The following LEO1 variants were observed in gnomAD, a reference collection of about 807,000 sequenced individuals.
The protein encoded by LEO1 is LEO1 component of Paf1/RNA polymerase II complex, also known as RNA polymerase-associated protein LEO1.
Under a neutral mutation model 80.4 loss-of-function variants are expected in LEO1, and 34 were observed. That is an observed-to-expected ratio of 0.42 (90% confidence interval 0.32 to 0.56). The LOEUF (loss-of-function observed/expected upper bound fraction) is 0.56, where lower values mean the gene tolerates loss of function less well. LEO1 is among the 20% of genes least tolerant of loss of function. The pLI, the probability that LEO1 is intolerant of heterozygous loss-of-function variation, is 0.10. For missense variants in LEO1, 631 were observed against 814.2 expected (o/e 0.77, Z 2.74); for synonymous variants, 262 against 274.9 (o/e 0.95, Z 0.46).
At chr15:51,939,332 C>A (rs1184246701) in intron 11 of LEO1, among the ~76,000 whole-genome samples, 1 of 152,158 alleles carries the variant, frequency 6.6e-6, no homozygotes, top group Non-Finnish European at 1.5e-5. Flanking sequence ...CCACTTTTTT[C>A]TGATGGTTCT....
At chr15:51,960,847 A>G (rs2057024443) in intron 3 of LEO1, 114 bp from the exon 4 acceptor site, 2 of 662,304 alleles carry the variant, frequency 3.0e-6, no homozygotes, top group Non-Finnish European at 5.4e-6. Context: ...AAAACCACCA[A>G]AAACATAATG....
At chr15:51,954,714 T>G in intron 6 of LEO1, 139 bp from the exon 7 acceptor site, 1 of 629,500 alleles carries the variant, frequency 1.6e-6, no homozygotes, top group South Asian at 1.9e-5. Flanking sequence ...TGAACAACAC[T>G]GAAACCCTCT....
chr15:51,953,873 T>A (rs1053336980), intron 7 of LEO1, among the ~76,000 whole-genome samples: 2 of 151,832 alleles, frequency 1.3e-5, no homozygotes, highest in African/African-American at 4.8e-5. Flanking sequence ...GGAGGATCGC[T>A]TGAGCCCAGG....
rs2056975953 is a variant in LEO1 at position 51,954,812 on chromosome 15, G to A, written c.1246-237C>T. On this transcript the variant is annotated intron_variant, in intron 6 of 11. Transcript: ENST00000299601. ...CTGAGCTCCTAGAATCATAATCATA[G>A]AGAAAGCTTAGAGCATTTGAGCAGA... The A allele has an allele frequency of 3.5e-5, 17 of 481,450 alleles. No individual in the cohort carries two copies. The South Asian group carries it at 3.7e-4, about 11-fold the overall frequency. The allele number at this position is 481,450 out of a possible 1,614,324, so 29.8% of individuals were successfully genotyped here.
chr15:51,966,429 C>A lies in LEO1; in HGVS notation c.134G>T (p.Ser45Ile), dbSNP rs1430907178. 1 of 1,614,028 alleles carries A rather than the reference C, an allele frequency of 6.2e-7. No individual in the cohort carries two copies. Among genetic ancestry groups the A allele is most frequent in the African/African-American group, 1.3e-5 (1 of 74,936 alleles). The part of the protein sequence containing the change: ...ASGSNASGSE[S>I]DQDERGDSGQ... ...TGAATCACCTCTTTCATCCTGATCA[C>A]TTTCACTTCCAGAGGCATTACTGCC... is the stretch of plus-strand genomic sequence containing the variant. The change falls in exon 2 of 12, where the codon AGT becomes ATT. Residue 45 changes from serine to isoleucine, a missense_variant. By Grantham distance (142) the Ser-to-Ile change is moderately radical. This residue lies in a region of LEO1 where 394 missense variants were observed against 395.6 expected (regional missense o/e 1.00). Transcript: ENST00000299601.
intron 2 of LEO1, 67 bp downstream of exon 2, chr15:51,965,682 C>T: frequency 1.3e-6 from 2 of 1,520,598 alleles, no homozygotes; most frequent in Non-Finnish European, 1.8e-6. Context: ...GGAATAAAGA[C>T]TAAATGGGTC....
At position 51,951,826 on chromosome 15, in the gene LEO1, T is replaced by C. The variant is rs2056951467; in HGVS notation, c.1611+18A>G. 5 of 1,611,916 alleles carry C rather than the reference T, an allele frequency of 3.1e-6. No individual in the cohort carries two copies. In the East Asian group the frequency reaches 1.1e-4, roughly 36 times the overall value. On this transcript the variant is annotated intron_variant, in intron 9 of 11. Coordinates refer to ENST00000299601, the MANE Select transcript of LEO1 (RefSeq NM_138792.4). ...TACCAAAGAATCCCAGGATAACGCTTAGGCTTAGCAAACATACCTTAATCA... is the reference window on the plus strand; with the variant it reads ...TACCAAAGAATCCCAGGATAACGCTCAGGCTTAGCAAACATACCTTAATCA...
At chr15:51,949,751 C>T in intron 10 of LEO1, 57 bp downstream of exon 10, 1 of 1,433,884 alleles carries the variant, frequency 7.0e-7, no homozygotes, top group Middle Eastern at 2.5e-4. Context: ...ACATCTAATG[C>T]CAAGATGAAG....
chr15:51,961,497 A>T (rs1038612623), intron 3 of LEO1, among the ~76,000 whole-genome samples: 5 of 151,698 alleles, frequency 3.3e-5, no homozygotes, highest in Non-Finnish European at 5.9e-5. Context: ...AGCACAAGCG[A>T]TTCTCGTGCC....
chr15:51,960,169 T>C, intron 4 of LEO1, 125 bp from the exon 5 acceptor site: 1 of 688,760 alleles, frequency 1.5e-6, no homozygotes, highest in Non-Finnish European at 2.3e-6. Flanking sequence ...ACTAAAGAAG[T>C]CCCCAGTCCC....
intron 6 of LEO1, among the ~76,000 whole-genome samples, chr15:51,956,916 C>T (rs1291600229): frequency 6.6e-6 from 1 of 152,132 alleles, no homozygotes; most frequent in Non-Finnish European, 1.5e-5. Flanking sequence ...GCCTCAAACT[C>T]CTGGGCTCAA....
chr15:51,963,410 A>G lies in LEO1; in HGVS notation c.815-917T>C, dbSNP rs994696101. ...AAAGATTAAAAAGGAACTGACAAAT[A>G]TATCATTATTTCTAGAAGGGCCAAT... On this transcript the variant is annotated intron_variant, in intron 2 of 11. Coordinates refer to ENST00000299601, the MANE Select transcript of LEO1 (RefSeq NM_138792.4). Among the ~76,000 whole-genome samples the G allele has an allele frequency of 4.6e-5, 7 of 152,204 alleles. No individual in the cohort carries two copies. The East Asian group carries it at 5.8e-4, about 13-fold the overall frequency.
At chr15:51,961,960 G>A (rs1157022501) in intron 3 of LEO1, among the ~76,000 whole-genome samples, 1 of 151,622 alleles carries the variant, frequency 6.6e-6, no homozygotes, top group Admixed American at 6.6e-5. Flanking sequence ...TCAGGAGTTC[G>A]AGACCAACCT....
intron 2 of LEO1, among the ~76,000 whole-genome samples, chr15:51,963,747 C>A (rs530948023): frequency 2.0e-5 from 3 of 151,708 alleles, no homozygotes; most frequent in Admixed American, 2.0e-4. Context: ...ACTACAAATA[C>A]AAAAATTAGC....
At chr15:51,954,174 C>T (rs1401994932) in intron 7 of LEO1, among the ~76,000 whole-genome samples, 3 of 151,460 alleles carry the variant, frequency 2.0e-5, no homozygotes, top group African/African-American at 4.8e-5. Flanking sequence ...CCACCCACCT[C>T]GGCCTCCCAA....
At chr15:51,957,948 G>A (rs2057001871) in intron 6 of LEO1, among the ~76,000 whole-genome samples, 1 of 152,070 alleles carries the variant, frequency 6.6e-6, no homozygotes, top group South Asian at 2.1e-4. Context: ...TTGAACCCAG[G>A]AGGCAGAGGT....
At position 51,944,244 on chromosome 15, in the gene LEO1, C is replaced by T. The variant is rs548483187; in HGVS notation, c.1896+3048G>A. Among the ~76,000 whole-genome samples, 6 of 152,154 alleles carry T rather than the reference C, an allele frequency of 3.9e-5. No homozygotes were observed. The East Asian group carries it at 7.7e-4, about 20-fold the overall frequency. ...TGTCACATGCAAGGGAATCTCAAGA[C>T]GATAAAGAGCTGGCTTCTCATCAGA... On this transcript the variant is annotated intron_variant, in intron 11 of 11. Coordinates refer to ENST00000299601, the MANE Select transcript of LEO1 (RefSeq NM_138792.4).
intron 7 of LEO1, among the ~76,000 whole-genome samples, chr15:51,954,002 C>T (rs553055951): frequency 2.0e-5 from 3 of 151,118 alleles, no homozygotes; most frequent in East Asian, 2.0e-4. Context: ...GGCGCGATCT[C>T]GGCTTACTGC....
intron 8 of LEO1, among the ~76,000 whole-genome samples, chr15:51,952,819 C>T (rs566297351): frequency 6.6e-6 from 1 of 152,216 alleles, no homozygotes; most frequent in East Asian, 1.9e-4. Context: ...AAAGGACACA[C>T]TGGCTAGCAG....
Sources: allele counts gnomAD v4.1 joint callset (sites outside exome capture counted in the v4.1 genomes callset), GRCh38; gene constraint gnomAD v4.1.1; regional missense constraint gnomAD v4.1.1; transcripts MANE v1.5; gene names NCBI Gene and HGNC (gene_info 2026-07-23, HGNC 2026-07-21).